The following PARP12 variants were observed in gnomAD, a reference collection of about 807,000 sequenced individuals.
PARP12 encodes the protein poly(ADP-ribose) polymerase family member 12, also known as protein mono-ADP-ribosyltransferase PARP12.
Under a neutral mutation model 72.4 loss-of-function variants are expected in PARP12, and 59 were observed. That is an observed-to-expected ratio of 0.81 (90% confidence interval 0.66 to 1.01). The LOEUF (loss-of-function observed/expected upper bound fraction) is 1.01, where lower values mean the gene tolerates loss of function less well. Ranked by LOEUF, PARP12 falls within the 50% of genes least tolerant of loss-of-function variation. The probability of loss-of-function intolerance (pLI) is 0.00; values close to 1 mark genes in which losing one functional copy is unlikely to be tolerated. For missense variants in PARP12, 851 were observed against 914.0 expected (o/e 0.93, Z 0.89); for synonymous variants, 403 against 371.4 (o/e 1.09, Z -0.98).
At position 140,033,476 on chromosome 7, in the gene PARP12, C is replaced by T. The variant is rs572698841; in HGVS notation, c.1421+759G>A. On this transcript the variant is annotated intron_variant, in intron 8 of 11. Coordinates refer to ENST00000263549, the MANE Select transcript of PARP12 (RefSeq NM_022750.4). ...CCTAAAGTCCCAGCACTGGCTCTGGCAAGCCCAAACTGTATGGGCACTGTG... is the reference window on the plus strand; with the variant it reads ...CCTAAAGTCCCAGCACTGGCTCTGGTAAGCCCAAACTGTATGGGCACTGTG... The T allele has an allele frequency of 1.2e-3, 1,212 of 985,446 alleles. 2 individuals carry two copies. Among genetic ancestry groups the T allele is most frequent in the Non-Finnish European group, 1.4e-3 (1,130 of 829,932 alleles). The allele number at this position is 985,446 out of a possible 1,614,324, so 61.0% of individuals were successfully genotyped here. A position where few individuals can be genotyped will look rare whatever the true frequency, so the allele number is the denominator to read the frequency against.
Position 140,028,448 on chromosome 7 carries a change from A to C in PARP12, c.1497+165T>G, listed in dbSNP as rs561629853. 5.9e-5 allele frequency among the ~76,000 whole-genome samples: 9 copies of C among 152,304 alleles called. No individual in the cohort carries two copies. In the South Asian group the frequency reaches 1.9e-3, roughly 32 times the overall value. On this transcript the variant is annotated intron_variant, in intron 9 of 11. Transcript: ENST00000263549. The stretch of plus-strand genomic sequence containing the variant: ...GTGGTGAAAAAACAAAACCCTCTGC[A>C]AAAAACAAAAACAAAAATAAAGCCC...
At position 140,045,439 on chromosome 7, in the gene PARP12, T is replaced by C. The variant is rs562942689; in HGVS notation, c.986+1445A>G. ...AAACTATTATTTTGTCTACCTAACA[T>C]ATAGTAAAGCTGAGGTAAAATGAGA... On this transcript the variant is annotated intron_variant, in intron 5 of 11. Transcript: ENST00000263549. Among the ~76,000 whole-genome samples, 3 of 152,298 alleles carry C rather than the reference T, an allele frequency of 2.0e-5. No homozygotes were observed. In the East Asian group the frequency reaches 5.8e-4, roughly 29 times the overall value.
intron 3 of PARP12, among the ~76,000 whole-genome samples, chr7:140,056,540 A>AG (rs1416398475): frequency 3.3e-5 from 5 of 152,180 alleles, no homozygotes; most frequent in African/African-American, 1.2e-4. Flanking sequence ...GGGTGAAGAT[A>AG]GGGGTGACTG....
chr7:140,030,463 T>C (rs1399559220), intron 8 of PARP12, among the ~76,000 whole-genome samples: 1 of 152,208 alleles, frequency 6.6e-6, no homozygotes, highest in African/African-American at 2.4e-5. Context: ...CCGGGCATGG[T>C]GGCGCACGCC....
At position 140,024,128 on chromosome 7, in the gene PARP12, G is replaced by A. The variant is rs956899858; in HGVS notation, c.*432C>T. 3.5e-5 allele frequency: 10 copies of A among 285,886 alleles called. No individual in the cohort carries two copies. The East Asian group carries it at 4.7e-4, about 14-fold the overall frequency. The allele number at this position is 285,886 out of a possible 1,614,324, so 17.7% of individuals were successfully genotyped here. ...ACAGGCAGAAGTGACTGTGCCGCCC[G>A]TGGGCTGTCATCCACCGGTGGCTAC... On this transcript the variant is annotated 3_prime_UTR_variant, in exon 12 of 12. Transcript: ENST00000263549.
chr7:140,038,398 G>A, intron 6 of PARP12: 1 of 803,258 alleles, frequency 1.2e-6, no homozygotes, highest in Non-Finnish European at 1.5e-6. Flanking sequence ...AGCTTCAGCT[G>A]GAGTGAGTTT....
intron 2 of PARP12, chr7:140,057,549 T>C (rs1394403853): frequency 1.1e-5 from 4 of 363,780 alleles, no homozygotes; most frequent in Non-Finnish European, 2.0e-5. Context: ...CTCTCTTTTC[T>C]ACAATTCAAA....
intron 8 of PARP12, chr7:140,028,984 A>G (rs1585081620): frequency 4.8e-6 from 1 of 207,680 alleles, no homozygotes; most frequent in African/African-American, 2.4e-5. Flanking sequence ...GAGCACACAC[A>G]CAGCCATAAA....
Position 140,054,707 on chromosome 7 carries a change from C to G in PARP12, c.817G>C (p.Asp273His). 1 of 1,614,148 alleles carries G rather than the reference C, an allele frequency of 6.2e-7. No individual in the cohort carries two copies. Among genetic ancestry groups the G allele is most frequent in the Non-Finnish European group, 8.5e-7 (1 of 1,179,982 alleles). ...SPNTLSQEEGDQICLYHIRKS... is the reference protein window; with the variant it reads ...SPNTLSQEEGHQICLYHIRKS... ...CGGATATGGTACAAACAGATCTGAT[C>G]ACCCTCCTCCTGGCTAAGAGTGTTT... Residue 273 changes from aspartate (D) to histidine (H), a missense_variant, in exon 4 of 12, where the codon GAT becomes CAT. Asp to His is a moderately conservative substitution (Grantham distance 81, BLOSUM62 -1). This residue lies in a region of PARP12 where 492 missense variants were observed against 489.3 expected (regional missense o/e 1.01). Coordinates refer to ENST00000263549, the MANE Select transcript of PARP12 (RefSeq NM_022750.4).
intron 6 of PARP12, among the ~76,000 whole-genome samples, chr7:140,039,130 C>T (rs985699054): frequency 6.6e-6 from 1 of 152,166 alleles, no homozygotes; most frequent in Non-Finnish European, 1.5e-5. Context: ...GGTCTCATAG[C>T]GGCGCCTAAG....
chr7:140,053,976 G>C (rs1817080190), intron 4 of PARP12, among the ~76,000 whole-genome samples: 1 of 152,208 alleles, frequency 6.6e-6, no homozygotes, highest in African/African-American at 2.4e-5. Context: ...TTTACAGAGT[G>C]AAAGTATTCA....
chr7:140,041,925 A>G, intron 5 of PARP12, 86 bp from the exon 6 acceptor site: 2 of 1,153,974 alleles, frequency 1.7e-6, no homozygotes, highest in Non-Finnish European at 2.5e-6. Context: ...TAGCTGGGAG[A>G]TGCGAATAGT....
Position 140,024,756 on chromosome 7 carries a change from G to A in PARP12, c.1910C>T (p.Pro637Leu), listed in dbSNP as rs35360282. 9 of 1,614,028 alleles carry A rather than the reference G, an allele frequency of 5.6e-6. No individual in the cohort carries two copies. Among genetic ancestry groups the A allele is most frequent in the Non-Finnish European group, 5.9e-6 (7 of 1,179,890 alleles). Reference protein sequence around the residue: ...FVRGNASFVRPPAKEGWSNAF... With the variant: ...FVRGNASFVRLPAKEGWSNAF... Reference sequence around the variant, plus strand: ...GTTGCTCCAGCCCTCCTTGGCCGGCGGACGGACAAAGGAGGCATTGCCCCT... The same window carrying A: ...GTTGCTCCAGCCCTCCTTGGCCGGCAGACGGACAAAGGAGGCATTGCCCCT... The change falls in exon 12 of 12, where the codon CCG becomes CTG. Residue 637 changes from proline (P) to leucine (L), a missense_variant. By Grantham distance (98) the Pro-to-Leu change is moderately conservative. Coordinates refer to ENST00000263549, the MANE Select transcript of PARP12 (RefSeq NM_022750.4).
intron 5 of PARP12, 127 bp downstream of exon 5, chr7:140,046,757 T>TGTGTGTGTGTGTCA (rs748540692): frequency 2.4e-6 from 2 of 833,582 alleles, no homozygotes; most frequent in East Asian, 3.1e-5. Context: ...TGTGTGTGTG[T>TGTGTGTGTGTGTCA]CACACACAGA....
rs768889508 is a variant in PARP12, at chr7:140,041,726, T to C, written c.1100A>G (p.Lys367Arg). Residue 367 changes from lysine to arginine, a missense_variant, in exon 6 of 12, where the codon AAA becomes AGA. By Grantham distance (26) the Lys-to-Arg change is conservative. Around this residue, in one of 3 missense-constraint regions of PARP12, gnomAD observed 492 missense variants for 489.3 expected, o/e 1.01. Transcript: ENST00000263549. Reference protein sequence around the residue: ...RRLSTASSVTKPPHFILTTDW... With the variant: ...RRLSTASSVTRPPHFILTTDW... Reference sequence around the variant, plus strand: ...AGTGGTGAGGATGAAGTGTGGAGGTTTGGTGACAGAGGAGGCCGTGGAGAG... The same window carrying C: ...AGTGGTGAGGATGAAGTGTGGAGGTCTGGTGACAGAGGAGGCCGTGGAGAG... The C allele has an allele frequency of 1.6e-5, 26 of 1,614,054 alleles. No individual in the cohort carries two copies. Among genetic ancestry groups the C allele is most frequent in the East Asian group, 4.5e-5 (2 of 44,896 alleles).
intron 5 of PARP12, among the ~76,000 whole-genome samples, chr7:140,042,360 T>TCAGGTGGG (rs1343430903): frequency 6.6e-6 from 1 of 152,248 alleles, no homozygotes; most frequent in Non-Finnish European, 1.5e-5. Flanking sequence ...AGCTGGGCTT[T>TCAGGTGGG]CAGGTGGGCA....
chr7:140,055,504 A>C (rs2885512), intron 3 of PARP12, among the ~76,000 whole-genome samples: 15,573 of 152,188 alleles, frequency 0.1, 1,557 homozygotes, highest in African/African-American at 0.27. Flanking sequence ...ATTAATTTGC[A>C]ATCCCTATTT....
At chr7:140,038,672 C>A (rs561354710) in intron 6 of PARP12, among the ~76,000 whole-genome samples, 5 of 152,282 alleles carry the variant, frequency 3.3e-5, no homozygotes, top group Non-Finnish European at 5.9e-5. Flanking sequence ...TTTGAGATTA[C>A]ACTGACAACT....
intron 4 of PARP12, among the ~76,000 whole-genome samples, chr7:140,052,921 T>G (rs1817022186): frequency 6.6e-6 from 1 of 152,156 alleles, no homozygotes; most frequent in Non-Finnish European, 1.5e-5. Context: ...CACTCACTGA[T>G]TAGAATGGCT....
Sources: gnomAD v4.1 joint callset for allele counts (sites outside exome capture counted in the v4.1 genomes callset) on GRCh38, gnomAD v4.1.1 for gene constraint, gnomAD v4.1.1 regional missense constraint, MANE v1.5 for transcripts, NCBI Gene and HGNC (gene_info 2026-07-23, HGNC 2026-07-21) for gene names.